LY6S: variants seen among roughly 807,000 people sequenced by gnomAD.
The protein encoded by LY6S is lymphocyte antigen 6 family member S, also known as lymphocyte antigen 6S.
the LY6S span, chr8:143,044,637 C>A: frequency 7.4e-7 from 1 of 1,349,166 alleles, no homozygotes; most frequent in Middle Eastern, 2.1e-4. Context: ...AGAAGTGCCC[C>A]TCCCTCCCCA....
the LY6S span, chr8:143,043,245 G>A: frequency 7.3e-7 from 1 of 1,366,012 alleles, no homozygotes; most frequent in Non-Finnish European, 9.8e-7. Context: ...AGAGATCTGG[G>A]AGTCCACAAC....
chr8:143,046,233 G>C, the LY6S span, among the ~76,000 whole-genome samples: 4 of 152,300 alleles, frequency 2.6e-5, no homozygotes, highest in Non-Finnish European at 4.4e-5. Flanking sequence ...GGGAGGCCAA[G>C]GCAGGAAGAT....
At chr8:143,066,517 G>A in the LY6S span, 16 of 274,970 alleles carry the variant, frequency 5.8e-5, no homozygotes, top group Middle Eastern at 7.8e-4. Context: ...GGCACCATTC[G>A]TGCAGCGAAT....
chr8:143,067,486 C>T, the LY6S span, among the ~76,000 whole-genome samples: 6 of 152,298 alleles, frequency 3.9e-5, no homozygotes, highest in South Asian at 1.2e-3. Context: ...CCCCTCCACA[C>T]CTGTGAGTAT....
the LY6S span, chr8:143,053,170 G>A: frequency 6.6e-6 from 1 of 152,176 alleles, no homozygotes; most frequent in South Asian, 2.1e-4. Flanking sequence ...AAGCTACAGG[G>A]AGTCACCAGC....
the LY6S span, among the ~76,000 whole-genome samples, chr8:143,041,613 G>T: frequency 6.6e-6 from 1 of 152,180 alleles, no homozygotes; most frequent in Non-Finnish European, 1.5e-5. Flanking sequence ...ACAGGCATAG[G>T]AAATCACAAG....
chr8:143,068,580 C>G, the LY6S span, among the ~76,000 whole-genome samples: 1 of 152,106 alleles, frequency 6.6e-6, no homozygotes, highest in Non-Finnish European at 1.5e-5. Context: ...TAAACCTCTT[C>G]TTTGTAATTT....
At chr8:143,041,752 T>G in the LY6S span, among the ~76,000 whole-genome samples, 1 of 152,178 alleles carries the variant, frequency 6.6e-6, no homozygotes, top group South Asian at 2.1e-4. Flanking sequence ...CCATGAAATC[T>G]TCACAATTTA....
At chr8:143,062,690 CAT>C in the LY6S span, among the ~76,000 whole-genome samples, 2 of 151,894 alleles carry the variant, frequency 1.3e-5, no homozygotes, top group African/African-American at 4.8e-5. Flanking sequence ...TAAAAATACA[CAT>C]GAGAAAAAAA....
At chr8:143,059,372 T>C in the LY6S span, among the ~76,000 whole-genome samples, 1 of 152,050 alleles carries the variant, frequency 6.6e-6, no homozygotes, top group Non-Finnish European at 1.5e-5. Flanking sequence ...GGGTAGGCTG[T>C]GAGGTTTGGG....
chr8:143,052,989 G>T, the LY6S span, among the ~76,000 whole-genome samples: 1 of 152,160 alleles, frequency 6.6e-6, no homozygotes, highest in Non-Finnish European at 1.5e-5. Context: ...GGCTGTCCAG[G>T]AATATGGCAA....
chr8:143,054,303 C>CAAAAAAAAAAAAAAAAAAAAAAAA, the LY6S span: 3 of 64,742 alleles, frequency 4.6e-5, no homozygotes, highest in East Asian at 6.1e-4. Flanking sequence ...CACTCCATCC[C>CAAAAAAAAAAAAAAAAAAAAAAAA]AAAAAAAAAA....
At chr8:143,072,448 G>A in the LY6S span, among the ~76,000 whole-genome samples, 1 of 125,830 alleles carries the variant, frequency 7.9e-6, no homozygotes, top group Non-Finnish European at 1.6e-5. Flanking sequence ...CGTCGTCCTC[G>A]GGATTCCTGT....
chr8:143,052,198 G>A, the LY6S span, among the ~76,000 whole-genome samples: 55 of 139,692 alleles, frequency 3.9e-4, no homozygotes, highest in Non-Finnish European at 6.1e-4. Flanking sequence ...GGAGAATGGC[G>A]TGAACCCGGG....
At chr8:143,045,893 A>C in the LY6S span, among the ~76,000 whole-genome samples, 2 of 150,850 alleles carry the variant, frequency 1.3e-5, no homozygotes, top group East Asian at 1.9e-4. The surrounding 1 kb of genome is among the most constrained non-coding windows in gnomAD (Gnocchi z 5.3). Flanking sequence ...TCTCACTGTT[A>C]CCCAAGCTGG....
chr8:143,062,065 TA>T, the LY6S span, among the ~76,000 whole-genome samples: 1 of 151,898 alleles, frequency 6.6e-6, no homozygotes, highest in African/African-American at 2.4e-5. Flanking sequence ...ATAAAACATA[TA>T]AAGGTTGGAA....
chr8:143,052,333 AC>A, the LY6S span, among the ~76,000 whole-genome samples: 4 of 152,294 alleles, frequency 2.6e-5, no homozygotes, highest in South Asian at 8.3e-4. Flanking sequence ...CACCATGACC[AC>A]CTGGGTAGAC....
chr8:143,060,222 A>G, the LY6S span, among the ~76,000 whole-genome samples: 2 of 151,690 alleles, frequency 1.3e-5, no homozygotes, highest in African/African-American at 4.8e-5. Flanking sequence ...TTAGCAGACC[A>G]GGAAAGGGAG....
At chr8:143,042,101 C>CTTTCTG in the LY6S span, 2 of 138,430 alleles carry the variant, frequency 1.4e-5, no homozygotes, top group African/African-American at 2.8e-5. Context: ...CCAGCCCTGA[C>CTTTCTG]TCCAGGCTGA....
Sources: gnomAD v4.1 joint callset for allele counts (sites outside exome capture counted in the v4.1 genomes callset) on GRCh38, gnomAD v4.1.1 for gene constraint, Gnocchi (gnomAD v3.1) non-coding constraint, MANE v1.5 for transcripts, NCBI Gene and HGNC (gene_info 2026-07-23, HGNC 2026-07-21) for gene names.